The following SLC35A2 variants were observed in gnomAD, a reference collection of about 807,000 sequenced individuals.
The protein encoded by SLC35A2 is UDP-galactose translocator.
Under a neutral mutation model 17.3 loss-of-function variants are expected in SLC35A2, and 1 was observed. The ratio of observed to expected loss-of-function variants is 0.06; its 90% CI spans 0.02 to 0.27. The LOEUF is 0.27. Ranked by LOEUF, SLC35A2 falls within the 10% of genes least tolerant of loss-of-function variation. The probability of loss-of-function intolerance (pLI) is 1.00; values close to 1 mark genes in which losing one functional copy is unlikely to be tolerated. For missense variants in SLC35A2, 191 were observed against 339.3 expected, an observed-to-expected ratio of 0.56 and a Z score of 3.43; for synonymous variants, 161 against 161.3, an observed-to-expected ratio of 1.00 and a Z score of 0.01.
intron 1 of SLC35A2, chrX:48,911,340 T>G (rs1214166273): frequency 7.7e-6 from 4 of 519,297 alleles, no homozygotes; most frequent in Non-Finnish European, 1.3e-5. Flanking sequence ...CACAATGGTC[T>G]CTACTCTCCA....
chrX:48,906,042 C>T (rs2063487946), intron 3 of SLC35A2: 1 of 388,118 alleles, frequency 2.6e-6, no homozygotes, highest in Non-Finnish European at 4.4e-6. Context: ...AATCACACAG[C>T]TGGAAGGTAG....
rs1433453510 is a variant in SLC35A2 at position 48,903,231 on chromosome X, T to C, written c.*207A>G. 1 of 1,020,906 alleles carries C rather than the reference T, an allele frequency of 9.8e-7. No homozygotes were observed. Among genetic ancestry groups the C allele is most frequent in the Non-Finnish European group, 1.3e-6 (1 of 743,469 alleles). 84.1% of individuals were successfully genotyped at this position (1,020,906 alleles called of 1,213,427 possible). On this transcript the variant is annotated 3_prime_UTR_variant, in exon 5 of 5. Coordinates refer to ENST00000247138, the MANE Select transcript of SLC35A2 (RefSeq NM_005660.3). ...TTGCAAAAACTCAGCTAAGAGATAG[T>C]GTGGAGCTGGCAGGGGCTGGGGGGC...
intron 4 of SLC35A2, 200 bp downstream of exon 4, chrX:48,904,546 G>A (rs782074568): frequency 5.1e-6 from 6 of 1,175,423 alleles, no homozygotes; most frequent in East Asian, 6.3e-5. Context: ...ACCAGGAAGG[G>A]TTCACGTGAC....
At chrX:48,904,242 G>C in intron 4 of SLC35A2, 1 of 880,858 alleles carries the variant, frequency 1.1e-6, no homozygotes, top group Non-Finnish European at 1.4e-6. Context: ...GATCCAGAGC[G>C]GTGGTAAGGG....
At chrX:48,911,479 A>T (rs781853604) in intron 1 of SLC35A2, 67 bp downstream of exon 1, 8 of 1,137,002 alleles carry the variant, frequency 7.0e-6, no homozygotes, top group Non-Finnish European at 9.4e-6. Context: ...TTTAGTGAGG[A>T]ACATTCCCGA....
At chrX:48,910,596 G>A (rs1557043868) in intron 1 of SLC35A2, among the ~76,000 whole-genome samples, 1 of 111,173 alleles carries the variant, frequency 9.0e-6, no homozygotes, top group Admixed American at 9.5e-5. Flanking sequence ...CCTAAGAACG[G>A]TCTTTCTCCT....
At chrX:48,910,295 T>C (rs782198207) in intron 1 of SLC35A2, 9 of 1,139,086 alleles carry the variant, frequency 7.9e-6, no homozygotes, top group Non-Finnish European at 1.0e-5. Flanking sequence ...GCGCCTCGGC[T>C]TCCTCCCAAG....
At position 48,904,870 on chromosome X, in the gene SLC35A2, C is replaced by T. The variant is rs781948153; in HGVS notation, c.1039G>A (p.Ala347Thr). 34 of 1,211,904 alleles carry T rather than the reference C, an allele frequency of 2.8e-5. No homozygotes were observed. The highest frequency in any genetic ancestry group is 2.3e-4 in the Middle Eastern group (1 of 4,352). Residue 347 changes from alanine to threonine, a missense_variant, in exon 4 of 5, where the codon GCC becomes ACC. Transcript: ENST00000247138. ...LYSLPRGAAK[A>T]IASASASASG... ...GCGGAGGCAGAGGCAGAGGCTATGG[C>T]TTTGGCTGCACCTCGGGGAAGGCTG... is the stretch of plus-strand genomic sequence containing the variant.
intron 2 of SLC35A2, 33 bp downstream of exon 2, chrX:48,909,781 C>T (rs782208466): frequency 6.9e-6 from 8 of 1,151,753 alleles, no homozygotes; most frequent in South Asian, 1.9e-5. Flanking sequence ...TCTCACCCAC[C>T]GACCCCAGTG....
intron 3 of SLC35A2, chrX:48,905,871 ATACT>A (rs1297111097): frequency 6.6e-5 from 17 of 258,898 alleles, no homozygotes; most frequent in East Asian, 6.7e-5. Flanking sequence ...ATGTCAGCAA[ATACT>A]TACATAGTGC....
intron 4 of SLC35A2, chrX:48,903,669 G>A (rs1415742390): frequency 2.4e-6 from 2 of 847,878 alleles, no homozygotes; most frequent in African/African-American, 4.2e-5. Flanking sequence ...GTTCATTACA[G>A]TTCCTTAAAA....
chrX:48,911,756 C>G (rs180869387), upstream of SLC35A2: 1 of 1,161,270 alleles, frequency 8.6e-7, no homozygotes, highest in Non-Finnish European at 1.1e-6. Context: ...AGGGTGGTGG[C>G]TTTTCTCCTC....
At chrX:48,905,677 C>G (rs2063485732) in intron 3 of SLC35A2, among the ~76,000 whole-genome samples, 195 bp from the exon 4 acceptor site, 1 of 112,300 alleles carries the variant, frequency 8.9e-6, no homozygotes. Flanking sequence ...TCTCTCCCAG[C>G]AAGTGCACAA....
chrX:48,911,828 G>GC (rs2063538794), upstream of SLC35A2: 1 of 1,166,274 alleles, frequency 8.6e-7, no homozygotes, highest in Non-Finnish European at 1.1e-6. Context: ...GGATCGGGAG[G>GC]CCGGGGACAC....
At chrX:48,906,125 A>G in intron 3 of SLC35A2, 1 of 431,704 alleles carries the variant, frequency 2.3e-6, no homozygotes. Context: ...AAAGCTGCCC[A>G]CAAATAGCCT....
intron 1 of SLC35A2, 34 bp from the exon 2 acceptor site, chrX:48,910,030 G>A (rs782143606): frequency 1.0e-4 from 114 of 1,138,503 alleles, no homozygotes; most frequent in African/African-American, 3.2e-4. Flanking sequence ...GGGGAAGGAC[G>A]GGGTCAGAAG....
chrX:48,906,245 G>A (rs975281254), intron 3 of SLC35A2, 147 bp downstream of exon 3: 2 of 529,826 alleles, frequency 3.8e-6, no homozygotes, highest in African/African-American at 2.3e-5. Flanking sequence ...TTTCACAGAC[G>A]AGAAAAGGGA....
At chrX:48,904,686 C>T in intron 4 of SLC35A2, 60 bp downstream of exon 4, 4 of 1,210,630 alleles carry the variant, frequency 3.3e-6, no homozygotes, top group African/African-American at 1.7e-5. Flanking sequence ...CACCCTCCAC[C>T]CCAGTCCCCC....
chrX:48,907,878 C>T (rs782762582), intron 2 of SLC35A2, among the ~76,000 whole-genome samples: 6 of 109,099 alleles, frequency 5.5e-5, no homozygotes, highest in African/African-American at 2.0e-4. Context: ...AAAAATTAGC[C>T]GGGTGTGGTG....
Sources: gnomAD v4.1 joint callset for allele counts (sites outside exome capture counted in the v4.1 genomes callset) on GRCh38, gnomAD v4.1.1 for gene constraint, MANE v1.5 for transcripts, NCBI Gene and HGNC (gene_info 2026-07-23, HGNC 2026-07-21) for gene names.